The following KCNIP4 variants were observed in gnomAD, a reference collection of about 807,000 sequenced individuals.
KCNIP4 encodes the protein potassium voltage-gated channel interacting protein 4.
In KCNIP4, 12 loss-of-function variants were observed where a neutral mutation model predicts 34.0. The observed-to-expected ratio is 0.35, with a 90% CI of 0.23 to 0.57. KCNIP4 has a LOEUF of 0.57. KCNIP4 is among the 20% of genes least tolerant of loss of function. The pLI is 0.83. For synonymous variants in KCNIP4, 124 were observed against 102.2 expected (o/e 1.21, Z -1.29); for missense variants, 238 against 311.7 (o/e 0.76, Z 1.78).
At chr4:21,773,840 T>G (rs1016106724) in intron 1 of KCNIP4, among the ~76,000 whole-genome samples, 5 of 152,054 alleles carry the variant, frequency 3.3e-5, no homozygotes, top group East Asian at 1.9e-4. Flanking sequence ...TGTTTCTGCA[T>G]GTAAGATGGG....
At chr4:21,188,850 G>T (rs969004898) in intron 1 of KCNIP4, among the ~76,000 whole-genome samples, 8 of 152,262 alleles carry the variant, frequency 5.3e-5, no homozygotes, top group Non-Finnish European at 8.8e-5. Context: ...CAGGGGTCCT[G>T]CCTGTTCACC....
At position 20,729,619 on chromosome 4, in the gene KCNIP4, T is replaced by TGTTTGTTTCCTTAAAGTATA. The variant is rs1560393784; in HGVS notation, c.*462_*463insTATACTTTAAGGAAACAAAC. On this transcript the variant is annotated 3_prime_UTR_variant, in exon 9 of 9. Coordinates refer to ENST00000382152, the MANE Select transcript of KCNIP4 (RefSeq NM_025221.6). The stretch of plus-strand genomic sequence containing the variant: ...TTTCCTTAAAGTATATAAATGGAAT[T>TGTTTGTTTCCTTAAAGTATA]TAAATGGAATTACAGCATTCAAACA... 1.4e-5 allele frequency: 1 copy of TGTTTGTTTCCTTAAAGTATA among 69,920 alleles called. No individual in the cohort carries two copies. Among genetic ancestry groups the TGTTTGTTTCCTTAAAGTATA allele is most frequent in the African/African-American group, 7.5e-5 (1 of 13,320 alleles). 4.3% of individuals were successfully genotyped at this position (69,920 alleles called of 1,614,324 possible). A position where few individuals can be genotyped will look rare whatever the true frequency, so the allele number is the denominator to read the frequency against.
At chr4:20,834,382 AG>A (rs1270524688) in intron 3 of KCNIP4, among the ~76,000 whole-genome samples, 1 of 152,222 alleles carries the variant, frequency 6.6e-6, no homozygotes, top group Non-Finnish European at 1.5e-5. Context: ...TGGGTAAGCC[AG>A]ACAGCAGCAA....
chr4:21,589,156 G>GTATATATA (rs375787939), intron 1 of KCNIP4, among the ~76,000 whole-genome samples: 50 of 71,226 alleles, frequency 7.0e-4, no homozygotes, highest in Non-Finnish European at 1.2e-3. Context: ...ATGGAGGTGT[G>GTATATATA]TATATATATA....
chr4:21,487,054 G>A (rs1172490417), intron 1 of KCNIP4, among the ~76,000 whole-genome samples: 2 of 151,958 alleles, frequency 1.3e-5, no homozygotes. Context: ...TCCCACATCG[G>A]CCTCCCAAAG....
At chr4:21,008,746 G>C (rs376718089) in intron 1 of KCNIP4, among the ~76,000 whole-genome samples, 3 of 151,584 alleles carry the variant, frequency 2.0e-5, no homozygotes, top group East Asian at 3.9e-4. Flanking sequence ...GGATGGTCTC[G>C]ATCTCCTGAT....
intron 2 of KCNIP4, among the ~76,000 whole-genome samples, chr4:20,863,478 C>CT (rs1362966816): frequency 6.6e-6 from 1 of 152,194 alleles, no homozygotes; most frequent in Non-Finnish European, 1.5e-5. Context: ...CAGCCAGAGG[C>CT]TGCCTGACCC....
chr4:21,793,268 G>A (rs1720412825), intron 1 of KCNIP4, among the ~76,000 whole-genome samples: 1 of 152,012 alleles, frequency 6.6e-6, no homozygotes, highest in South Asian at 2.1e-4. Context: ...ATTCTTTTTT[G>A]AGATGGAGTC....
intron 1 of KCNIP4, among the ~76,000 whole-genome samples, chr4:21,353,954 C>A (rs1046659092): frequency 6.6e-6 from 1 of 152,174 alleles, no homozygotes; most frequent in Admixed American, 6.5e-5. Flanking sequence ...GATCTCTTGG[C>A]AGAAACCCTA....
At chr4:20,888,678 G>C (rs146116247) in intron 1 of KCNIP4, among the ~76,000 whole-genome samples, 4 of 152,120 alleles carry the variant, frequency 2.6e-5, no homozygotes, top group African/African-American at 7.2e-5. Flanking sequence ...ACAATGGACA[G>C]ATTCATATCT....
At chr4:21,045,609 C>T (rs1014114938) in intron 1 of KCNIP4, among the ~76,000 whole-genome samples, 2 of 152,132 alleles carry the variant, frequency 1.3e-5, no homozygotes, top group African/African-American at 4.8e-5. Flanking sequence ...TCCCACTGAA[C>T]GTAGATCGTG....
At chr4:21,432,200 A>C (rs1259709370) in intron 1 of KCNIP4, among the ~76,000 whole-genome samples, 1 of 143,208 alleles carries the variant, frequency 7.0e-6, no homozygotes, top group African/African-American at 2.5e-5. Flanking sequence ...TTACTGGAGA[A>C]AACCACATCA....
intron 1 of KCNIP4, among the ~76,000 whole-genome samples, chr4:21,871,306 C>A (rs1725795866): frequency 7.4e-6 from 1 of 136,010 alleles, no homozygotes. Flanking sequence ...GTGATGTTCC[C>A]CATATAAATC....
chr4:21,490,197 C>A (rs1244110848), intron 1 of KCNIP4, among the ~76,000 whole-genome samples: 4 of 152,024 alleles, frequency 2.6e-5, no homozygotes, highest in Non-Finnish European at 4.4e-5. Context: ...AGGTTGGGAA[C>A]ATTGGGAAAG....
intron 1 of KCNIP4, among the ~76,000 whole-genome samples, chr4:21,153,416 A>G (rs1468637830): frequency 2.0e-5 from 3 of 150,862 alleles, no homozygotes; most frequent in African/African-American, 4.9e-5. Context: ...GTTAAAGGGC[A>G]TTAGTATTTC....
At chr4:21,175,557 T>C (rs1001095105) in intron 1 of KCNIP4, among the ~76,000 whole-genome samples, 3 of 152,220 alleles carry the variant, frequency 2.0e-5, no homozygotes, top group African/African-American at 7.2e-5. Context: ...AAATACTTTA[T>C]GGCTTCTCAT....
At chr4:20,741,359 A>G (rs991459759) in intron 5 of KCNIP4, among the ~76,000 whole-genome samples, 1 of 152,252 alleles carries the variant, frequency 6.6e-6, no homozygotes, top group African/African-American at 2.4e-5. Context: ...AACAGAAATT[A>G]TAACAAACTG....
intron 1 of KCNIP4, among the ~76,000 whole-genome samples, chr4:21,892,768 C>T (rs1727180562): frequency 6.6e-6 from 1 of 151,876 alleles, no homozygotes; most frequent in African/African-American, 2.4e-5. Context: ...TTATTTAGAC[C>T]AGTGGTTTAC....
At chr4:21,113,515 A>G (rs1749430062) in intron 1 of KCNIP4, among the ~76,000 whole-genome samples, 1 of 151,738 alleles carries the variant, frequency 6.6e-6, no homozygotes, top group Non-Finnish European at 1.5e-5. Context: ...ATGGAAAGAA[A>G]CAGTTGAGTT....
Sources: allele counts gnomAD v4.1 joint callset (sites outside exome capture counted in the v4.1 genomes callset), GRCh38; gene constraint gnomAD v4.1.1; transcripts MANE v1.5; gene names NCBI Gene and HGNC (gene_info 2026-07-23, HGNC 2026-07-21).